The following TENM2 variants were observed in gnomAD, a reference collection of about 807,000 sequenced individuals.
TENM2 encodes the protein teneurin-2.
In TENM2, 52 loss-of-function variants were observed where a neutral mutation model predicts 245.2. The observed-to-expected ratio is 0.21, with a 90% CI of 0.17 to 0.27. The LOEUF (loss-of-function observed/expected upper bound fraction) is 0.27. Ranked by LOEUF, TENM2 falls within the 10% of genes least tolerant of loss-of-function variation. The pLI, the probability that TENM2 is intolerant of heterozygous loss-of-function variation, is 1.00. For missense variants in TENM2, 3,046 were observed against 3,666.8 expected, an observed-to-expected ratio of 0.83 and a Z score of 4.37; for synonymous variants, 1,363 against 1,438.9, an observed-to-expected ratio of 0.95 and a Z score of 1.19.
At chr5:168,114,459 G>A (rs2617971) in intron 9 of TENM2, among the ~76,000 whole-genome samples, 14,133 of 152,230 alleles carry the variant, frequency 0.093, 1,010 homozygotes, top group East Asian at 0.31. Context: ...TAATACAGGA[G>A]GTTCCCCATT....
chr5:168,098,819 A>G (rs1034760909), intron 9 of TENM2, among the ~76,000 whole-genome samples: 2 of 152,164 alleles, frequency 1.3e-5, no homozygotes, highest in African/African-American at 2.4e-5. Flanking sequence ...ACACATAGAC[A>G]CACAAGGGTA....
Position 168,073,532 on chromosome 5 carries a change from G to A in TENM2, c.1515+11267G>A, listed in dbSNP as rs114897964. On this transcript the variant is annotated intron_variant, in intron 7 of 28. Transcript: ENST00000518659. ...GACATACCTTTTCCTTTTAGAACAC[G>A]CTCCGACAGAGCAAGAGTGACCTAG... Among the ~76,000 whole-genome samples, 1,093 of 152,270 alleles carry A rather than the reference G, an allele frequency of 7.2e-3. 13 individuals are homozygous for A. Among genetic ancestry groups the A allele is most frequent in the African/African-American group, 0.025 (1,050 of 41,562 alleles).
At chr5:167,989,170 A>G (rs1783467870) in intron 4 of TENM2, among the ~76,000 whole-genome samples, 1 of 152,132 alleles carries the variant, frequency 6.6e-6, no homozygotes, top group African/African-American at 2.4e-5. Context: ...ATAATTATAT[A>G]TAGAAAGAGA....
the TENM2 span, among the ~76,000 whole-genome samples, chr5:167,124,421 G>A: frequency 6.6e-6 from 1 of 152,088 alleles, no homozygotes; most frequent in Admixed American, 6.6e-5. Flanking sequence ...CTAGATTGCA[G>A]ATTAAAATTG....
At chr5:167,952,593 C>T (rs1177391542) in exon 4 of TENM2, 24 of 1,609,006 alleles carry the variant, frequency 1.5e-5, no homozygotes, top group Non-Finnish European at 2.0e-5. Context: ...TTCAGGCCCT[C>T]CGAACCACCA....
chr5:167,792,010 G>A (rs868162972), intron 2 of TENM2, among the ~76,000 whole-genome samples: 2 of 152,112 alleles, frequency 1.3e-5, no homozygotes, highest in Non-Finnish European at 2.9e-5. Context: ...CAAGATCAAG[G>A]TTGAAGTATT....
chr5:166,984,482 GA>G, the TENM2 span, among the ~76,000 whole-genome samples: 12,159 of 151,662 alleles, frequency 0.08, 679 homozygotes, highest in Middle Eastern at 0.17. Flanking sequence ...TGTCTATGTG[GA>G]AAAAAAATGC....
intron 2 of TENM2, among the ~76,000 whole-genome samples, chr5:167,721,201 T>C (rs1759604093): frequency 6.6e-6 from 1 of 152,042 alleles, no homozygotes; most frequent in Non-Finnish European, 1.5e-5. Flanking sequence ...AGTCAGTGAA[T>C]AGAATCAGCT....
chr5:167,822,215 G>T (rs536119390), intron 2 of TENM2, among the ~76,000 whole-genome samples: 2 of 151,752 alleles, frequency 1.3e-5, no homozygotes, highest in Non-Finnish European at 2.9e-5. Flanking sequence ...CATTGTGAAT[G>T]TTTGAAAGGA....
intron 2 of TENM2, among the ~76,000 whole-genome samples, chr5:167,423,724 T>C (rs1763646555): frequency 6.6e-6 from 1 of 152,244 alleles, no homozygotes; most frequent in South Asian, 2.1e-4. Flanking sequence ...AAGACACATC[T>C]ATCTCTAGGA....
At chr5:167,347,192 G>A (rs2127830020) in intron 1 of TENM2, among the ~76,000 whole-genome samples, 1 of 151,596 alleles carries the variant, frequency 6.6e-6, no homozygotes, top group Admixed American at 6.6e-5. Context: ...TTAATGGATA[G>A]TACGCATGCC....
the TENM2 span, among the ~76,000 whole-genome samples, chr5:167,127,845 G>A: frequency 6.6e-6 from 1 of 152,074 alleles, no homozygotes; most frequent in African/African-American, 2.4e-5. Flanking sequence ...AGTTGACCTT[G>A]TCATCAAAAT....
At chr5:167,519,285 C>T (rs1242311607) in intron 2 of TENM2, among the ~76,000 whole-genome samples, 2 of 152,094 alleles carry the variant, frequency 1.3e-5, no homozygotes, top group African/African-American at 2.4e-5. Context: ...ACATTTTCTA[C>T]AGGATTTATC....
chr5:167,245,457 T>C, the TENM2 span, among the ~76,000 whole-genome samples: 35 of 151,770 alleles, frequency 2.3e-4, 1 homozygote, highest in Non-Finnish European at 3.2e-4. Context: ...CTTCAAAGTG[T>C]ATATAACAAA....
At chr5:168,036,751 A>C (rs1194072738) in intron 5 of TENM2, among the ~76,000 whole-genome samples, 2 of 147,902 alleles carry the variant, frequency 1.4e-5, no homozygotes, top group African/African-American at 4.9e-5. Flanking sequence ...GTATATATAT[A>C]TGTATGTGTA....
chr5:167,586,998 A>G (rs1281771835), intron 2 of TENM2, among the ~76,000 whole-genome samples: 4 of 152,176 alleles, frequency 2.6e-5, no homozygotes, highest in African/African-American at 7.2e-5. Flanking sequence ...AGCTTATTAC[A>G]GTGTAAAATA....
chr5:167,057,860 G>A, the TENM2 span, among the ~76,000 whole-genome samples: 14 of 152,118 alleles, frequency 9.2e-5, no homozygotes. Context: ...CAGAGCTCCT[G>A]GAGTTAAAAC....
At chr5:168,163,292 G>A (rs1757915705) in intron 13 of TENM2, among the ~76,000 whole-genome samples, 1 of 152,194 alleles carries the variant, frequency 6.6e-6, no homozygotes, top group South Asian at 2.1e-4. Flanking sequence ...TTTCTAACCA[G>A]TAGTTGGCAA....
At chr5:168,002,433 C>G (rs1784480405) in intron 5 of TENM2, among the ~76,000 whole-genome samples, 1 of 152,188 alleles carries the variant, frequency 6.6e-6, no homozygotes, top group South Asian at 2.1e-4. Context: ...ATTAGACTTG[C>G]TTATATTCCA....
Sources: allele counts gnomAD v4.1 joint callset (sites outside exome capture counted in the v4.1 genomes callset), GRCh38; gene constraint gnomAD v4.1.1; transcripts MANE v1.5; gene names NCBI Gene and HGNC (gene_info 2026-07-23, HGNC 2026-07-21).